HEXD: variants seen among roughly 807,000 people sequenced by gnomAD.
The protein encoded by HEXD is N-acetyl-beta-galactosaminidase.
A neutral mutation model predicts 54.2 loss-of-function variants in HEXD; 47 were observed. The ratio of observed to expected loss-of-function variants is 0.87; its 90% CI spans 0.69 to 1.11. The LOEUF (loss-of-function observed/expected upper bound fraction) is 1.11. Ranked by LOEUF, HEXD falls within the 50% of genes least tolerant of loss-of-function variation. The pLI is 0.00. For missense variants in HEXD, 576 were observed against 649.2 expected (o/e 0.89, Z 1.23); for synonymous variants, 293 against 287.6 (o/e 1.02, Z -0.19).
chr17:82,442,366 C>A lies in HEXD; in HGVS notation c.1443C>A (p.Asp481Glu). Residue 481 changes from aspartate to glutamate, a missense_variant, in exon 13 of 13, where the codon GAC (aspartate) becomes GAA (glutamate). Physicochemically the swap from Asp to Glu is conservative, Grantham distance 45. Coordinates refer to ENST00000327949, the MANE Select transcript of HEXD (RefSeq NM_001330542.2). The surrounding 1 kb of genome is among the most constrained non-coding windows in gnomAD (Gnocchi z 6.8). ...PPLPPTSPGRDVAQDP is the reference protein window; with the variant it reads ...PPLPPTSPGREVAQDP ...TGCCACCCACCAGCCCTGGCAGGGA[C>A]GTTGCTCAGGACCCCTGAGGGGAGA... 1.9e-6 allele frequency: 3 copies of A among 1,610,990 alleles called. No homozygotes were observed. The highest frequency in any genetic ancestry group is 2.5e-6 in the Non-Finnish European group (3 of 1,178,820).
At chr17:82,429,362 A>C (rs2053511935) in intron 4 of HEXD, among the ~76,000 whole-genome samples, 1 of 151,968 alleles carries the variant, frequency 6.6e-6, no homozygotes, top group Non-Finnish European at 1.5e-5. Flanking sequence ...GGTTCCATTT[A>C]TTTCTCTAAC....
rs193063056 is a variant in HEXD at position 82,434,234 on chromosome 17, G to T, written c.447+412G>T. Reference sequence around the variant, plus strand: ...AGGGACACCCTTTTGTTGCTGAGAGGAAGTTCTGCATTTGGACCCTGAAGC... The same window carrying T: ...AGGGACACCCTTTTGTTGCTGAGAGTAAGTTCTGCATTTGGACCCTGAAGC... On this transcript the variant is annotated intron_variant, in intron 5 of 12. Coordinates refer to ENST00000327949, the MANE Select transcript of HEXD (RefSeq NM_001330542.2). This position sits in a 1 kb window ranked among gnomAD's most constrained non-coding sequence, Gnocchi z 4.5. 6.6e-6 allele frequency among the ~76,000 whole-genome samples: 1 copy of T among 152,340 alleles called. No homozygotes were observed. The highest frequency in any genetic ancestry group is 1.9e-4 in the East Asian group (1 of 5,176).
intron 3 of HEXD, chr17:82,425,451 C>T (rs1317911099): frequency 6.3e-6 from 1 of 157,930 alleles, no homozygotes; most frequent in Non-Finnish European, 1.4e-5. Context: ...CAGGGAGGGG[C>T]TGCTCTTCAG....
chr17:82,433,827 G>C lies in HEXD; in HGVS notation c.447+5G>C, dbSNP rs2053681064. The C allele has an allele frequency of 1.2e-6, 2 of 1,610,034 alleles. No homozygotes were observed. The highest frequency in any genetic ancestry group is 1.7e-6 in the Non-Finnish European group (2 of 1,178,416). On this transcript the variant is annotated splice_donor_5th_base_variant and intron_variant, in intron 5 of 12. Coordinates refer to ENST00000327949, the MANE Select transcript of HEXD (RefSeq NM_001330542.2). ...CTGCACATCGGGTGTGATGAGGTGG[G>C]TACTGTCACCCCAGCTCTGTGCAGG...
intron 11 of HEXD, 22 bp from the exon 12 acceptor site, chr17:82,441,778 C>T (rs181149588): frequency 3.1e-6 from 5 of 1,605,714 alleles, no homozygotes; most frequent in Non-Finnish European, 4.3e-6. Flanking sequence ...CCGCGGCACA[C>T]CCCTATGTGG....
In HEXD at chr17:82,419,771, C is replaced by T. The variant is rs1445400837; in HGVS notation, c.-29C>T. 18 of 1,472,408 alleles carry T rather than the reference C, an allele frequency of 1.2e-5. No homozygotes were observed. Among genetic ancestry groups the T allele is most frequent in the Middle Eastern group, 1.7e-4 (1 of 5,862 alleles). 91.2% of individuals were successfully genotyped at this position (1,472,408 alleles called of 1,614,324 possible). A position where few individuals can be genotyped will look rare whatever the true frequency, so the allele number is the denominator to read the frequency against. ...TAGGAAGAAGTCCCCAAGGAGACTTCGCCATAGGAGTTCACAGGAAATATT... is the reference window on the plus strand; with the variant it reads ...TAGGAAGAAGTCCCCAAGGAGACTTTGCCATAGGAGTTCACAGGAAATATT... On this transcript the variant is annotated 5_prime_UTR_variant, in exon 2 of 13. Transcript: ENST00000327949.
intron 4 of HEXD, 29 bp from the exon 5 acceptor site, chr17:82,433,629 C>T (rs570970141): frequency 1.5e-5 from 23 of 1,519,842 alleles, no homozygotes; most frequent in South Asian, 6.5e-5. Context: ...TCCTCCGCCC[C>T]CAACGCGAAC....
intron 3 of HEXD, chr17:82,426,040 T>G (rs1169506489): frequency 6.6e-6 from 1 of 152,296 alleles, no homozygotes; most frequent in Admixed American, 6.6e-5. Context: ...GTGTTAGGTT[T>G]TTTTAAAGGG....
intron 9 of HEXD, chr17:82,440,261 A>G: frequency 7.8e-7 from 1 of 1,287,278 alleles, no homozygotes; most frequent in South Asian, 1.2e-5. Context: ...GTGCTGATGC[A>G]GAAAGAAAAA....
intron 6 of HEXD, among the ~76,000 whole-genome samples, chr17:82,436,372 T>C (rs2053765035): frequency 6.6e-6 from 1 of 152,178 alleles, no homozygotes; most frequent in Non-Finnish European, 1.5e-5. Flanking sequence ...CTTCCACCCA[T>C]GCATGGCCAC....
chr17:82,440,751 C>CA lies in HEXD; in HGVS notation c.983-244dup, dbSNP rs2053914478. On this transcript the variant is annotated intron_variant, in intron 9 of 12. Coordinates refer to ENST00000327949, the MANE Select transcript of HEXD (RefSeq NM_001330542.2). Reference sequence around the variant, plus strand: ...CTTGCTGTCCGGGTGTTGCTGCTGGCAACACAGTCTTACTTCTGTTTTCTG... The same window carrying CA: ...CTTGCTGTCCGGGTGTTGCTGCTGGCAAACACAGTCTTACTTCTGTTTTCTG... 5 of 540,016 alleles carry CA rather than the reference C, an allele frequency of 9.3e-6. No homozygotes were observed. The Middle Eastern group carries it at 1.5e-3, about 158-fold the overall frequency. 33.5% of individuals were successfully genotyped at this position (540,016 alleles called of 1,614,324 possible). A position where few individuals can be genotyped will look rare whatever the true frequency, so the allele number is the denominator to read the frequency against.
chr17:82,438,345 G>T (rs976901086), intron 8 of HEXD, among the ~76,000 whole-genome samples: 2 of 152,208 alleles, frequency 1.3e-5, no homozygotes, highest in Non-Finnish European at 2.9e-5. Context: ...ACATGCTGTC[G>T]TGGGTGTGGG....
Position 82,442,061 on chromosome 17 carries a change from G to A in HEXD, c.1254-116G>A, listed in dbSNP as rs2053999487. 1 of 1,375,800 alleles carries A rather than the reference G, an allele frequency of 7.3e-7. No individual in the cohort carries two copies. Among genetic ancestry groups the A allele is most frequent in the South Asian group, 1.3e-5 (1 of 78,796 alleles). The allele number at this position is 1,375,800 out of a possible 1,614,324, so 85.2% of individuals were successfully genotyped here. A position where few individuals can be genotyped will look rare whatever the true frequency, so the allele number is the denominator to read the frequency against. ...TTGTTCCTCCCGACATGCCGATGAG[G>A]TAGGGTCAGTAGCCCCATTTCACAG... On this transcript the variant is annotated intron_variant, in intron 12 of 12. Transcript: ENST00000327949. The surrounding 1 kb of genome is among the most constrained non-coding windows in gnomAD (Gnocchi z 6.8).
intron 7 of HEXD, 154 bp from the exon 8 acceptor site, chr17:82,437,014 G>A (rs1486372793): frequency 2.7e-6 from 2 of 733,786 alleles, no homozygotes; most frequent in Non-Finnish European, 4.7e-6. Context: ...ACCCGGGCCG[G>A]CCGCATACAC....
Position 82,439,662 on chromosome 17 carries a change from C to A in HEXD, c.931C>A (p.Leu311Met). The part of the protein sequence containing the change: ...YDHYSVLCEL[L>M]PAGVPSLAAC... The stretch of plus-strand genomic sequence containing the variant: ...CCACTACTCTGTGCTGTGCGAGCTG[C>A]TGCCCGCAGGAGTCCCGTCCCTGGC... Residue 311 changes from leucine to methionine, a missense_variant, in exon 9 of 13, where the codon CTG (leucine) becomes ATG (methionine). By Grantham distance (15) the Leu-to-Met change is conservative. Coordinates refer to ENST00000327949, the MANE Select transcript of HEXD (RefSeq NM_001330542.2). 6.3e-7 allele frequency: 1 copy of A among 1,594,828 alleles called. No homozygotes were observed. Among genetic ancestry groups the A allele is most frequent in the Non-Finnish European group, 8.5e-7 (1 of 1,175,038 alleles).
chr17:82,441,901 G>A lies in HEXD; in HGVS notation c.1253+12G>A. 6.2e-7 allele frequency: 1 copy of A among 1,610,530 alleles called. No homozygotes were observed. Among genetic ancestry groups the A allele is most frequent in the Non-Finnish European group, 8.5e-7 (1 of 1,178,120 alleles). On this transcript the variant is annotated intron_variant, in intron 12 of 12. Transcript: ENST00000327949. ...CCCGCAGCGCTCAGGTGAGGCCCTG[G>A]GCTCTTATAGGCCGTGCAGCCATGG...
At position 82,442,350 on chromosome 17, in the gene HEXD, C is replaced by T. The variant is rs2054016429; in HGVS notation, c.1427C>T (p.Thr476Ile). The change falls in exon 13 of 13, where the codon ACC (threonine) becomes ATC (isoleucine). Residue 476 changes from threonine to isoleucine, a missense_variant. Physicochemically the swap from Thr to Ile is moderately conservative, Grantham distance 89. Coordinates refer to ENST00000327949, the MANE Select transcript of HEXD (RefSeq NM_001330542.2). This position sits in a 1 kb window ranked among gnomAD's most constrained non-coding sequence, Gnocchi z 6.8. ...GTGTCTGCCCCCCCGCTGCCACCCA[C>T]CAGCCCTGGCAGGGACGTTGCTCAG... The part of the protein sequence containing the change: ...SEVSAPPLPP[T>I]SPGRDVAQDP 1 of 1,611,192 alleles carries T rather than the reference C, an allele frequency of 6.2e-7. No individual in the cohort carries two copies. The highest frequency in any genetic ancestry group is 2.2e-5 in the East Asian group (1 of 44,848).
intron 4 of HEXD, among the ~76,000 whole-genome samples, chr17:82,431,408 G>A (rs1208865685): frequency 6.7e-6 from 1 of 150,080 alleles, no homozygotes; most frequent in South Asian, 2.1e-4. Context: ...TGATCTTCCC[G>A]CCTCTGCCTC....
At chr17:82,431,270 C>G (rs775219151) in intron 4 of HEXD, among the ~76,000 whole-genome samples, 3 of 152,130 alleles carry the variant, frequency 2.0e-5, no homozygotes, top group Non-Finnish European at 4.4e-5. Flanking sequence ...TCTCGGAGCG[C>G]TGGGATTATA....
Sources: allele counts gnomAD v4.1 joint callset (sites outside exome capture counted in the v4.1 genomes callset), GRCh38; gene constraint gnomAD v4.1.1; non-coding constraint Gnocchi (gnomAD v3.1); transcripts MANE v1.5; gene names NCBI Gene and HGNC (gene_info 2026-07-23, HGNC 2026-07-21).